FHIT: variants seen among roughly 807,000 people sequenced by gnomAD.
FHIT encodes fragile histidine triad diadenosine triphosphatase, also known as bis(5'-adenosyl)-triphosphatase.
Under a neutral mutation model 17.9 loss-of-function variants are expected in FHIT, and 19 were observed. That is an observed-to-expected ratio of 1.06 (90% CI 0.74 to 1.56). FHIT has a LOEUF of 1.56. Ranked by LOEUF, FHIT falls within the 40% of genes most tolerant of loss-of-function variation. The probability of loss-of-function intolerance (pLI) is 0.00; values close to 1 mark genes in which losing one functional copy is unlikely to be tolerated. For missense variants in FHIT, 248 were observed against 189.2 expected, an observed-to-expected ratio of 1.31 and a Z score of -1.82; for synonymous variants, 81 against 69.7, an observed-to-expected ratio of 1.16 and a Z score of -0.81.
chr3:59,915,299 T>C (rs984456015), intron 8 of FHIT, among the ~76,000 whole-genome samples: 1 of 152,194 alleles, frequency 6.6e-6, no homozygotes, highest in African/African-American at 2.4e-5. Flanking sequence ...AGTGGTTTGA[T>C]AGAGTGGATT....
At chr3:61,154,612 C>T (rs10866044) in intron 2 of FHIT, among the ~76,000 whole-genome samples, 37,273 of 152,072 alleles carry the variant, frequency 0.25, 5,061 homozygotes, top group East Asian at 0.44. Context: ...TACTTCTGAA[C>T]GGCAGCGCGT....
At chr3:60,360,690 G>A (rs928985936) in intron 5 of FHIT, among the ~76,000 whole-genome samples, 1 of 152,116 alleles carries the variant, frequency 6.6e-6, no homozygotes, top group Non-Finnish European at 1.5e-5. Context: ...TAATAAACCT[G>A]TTCTTTAATT....
intron 3 of FHIT, among the ~76,000 whole-genome samples, chr3:61,026,402 A>G (rs2032734251): frequency 6.6e-6 from 1 of 152,220 alleles, no homozygotes; most frequent in African/African-American, 2.4e-5. Flanking sequence ...GGTACTCACA[A>G]GAAGTCAAGA....
intron 3 of FHIT, among the ~76,000 whole-genome samples, chr3:60,831,037 A>T (rs1461140445): frequency 2.0e-5 from 3 of 152,148 alleles, no homozygotes; most frequent in Non-Finnish European, 4.4e-5. Flanking sequence ...AGATTAAATT[A>T]TTTCTGTATT....
intron 3 of FHIT, among the ~76,000 whole-genome samples, chr3:60,897,614 A>G (rs1224510202): frequency 6.6e-6 from 1 of 152,154 alleles, no homozygotes; most frequent in Non-Finnish European, 1.5e-5. Context: ...TACACTATAC[A>G]TGGGAATGTA....
intron 5 of FHIT, among the ~76,000 whole-genome samples, chr3:60,187,485 A>AATGT (rs1702205223): frequency 1.3e-5 from 2 of 152,156 alleles, no homozygotes; most frequent in Non-Finnish European, 1.5e-5. Context: ...TGAAACACGC[A>AATGT]ATGTAAAGCA....
chr3:60,777,088 T>C, intron 4 of FHIT, among the ~76,000 whole-genome samples: 1 of 152,198 alleles, frequency 6.6e-6, no homozygotes, highest in East Asian at 1.9e-4. Context: ...TCTTCAAAAT[T>C]TCTGAGTCAT....
Position 60,616,496 on chromosome 3 carries a change from G to A in FHIT, c.-17-79517C>T, listed in dbSNP as rs549442208. ...AATAAGCAATCATAGCAAGCTTGTG[G>A]GACAAAAGTTAATATACAAAGTCAA... On this transcript the variant is annotated intron_variant, in intron 4 of 9. Transcript: ENST00000492590. Among the ~76,000 whole-genome samples, 10 of 152,146 alleles carry A rather than the reference G, an allele frequency of 6.6e-5. 1 individual carries two copies. The South Asian group carries it at 2.1e-3, about 32-fold the overall frequency.
intron 8 of FHIT, among the ~76,000 whole-genome samples, chr3:59,856,687 G>A (rs1702170663): frequency 6.6e-6 from 1 of 152,136 alleles, no homozygotes; most frequent in African/African-American, 2.4e-5. Context: ...ATGTAGCAAT[G>A]TTATCTAATT....
rs140236058 is a variant in FHIT, at chr3:60,683,314, G to A, written c.-18+138605C>T. Among the ~76,000 whole-genome samples the A allele has an allele frequency of 2.6e-5, 4 of 152,228 alleles. No individual in the cohort carries two copies. The East Asian group carries it at 5.8e-4, about 22-fold the overall frequency. ...GCTGTATGCAACAGAGAAGTCATTC[G>A]TGAAAGCAAGAAGCCACTGATGTTG... On this transcript the variant is annotated intron_variant, in intron 4 of 9. Coordinates refer to ENST00000492590, the MANE Select transcript of FHIT (RefSeq NM_002012.4).
At chr3:60,226,670 G>C (rs948270043) in intron 5 of FHIT, among the ~76,000 whole-genome samples, 4 of 152,186 alleles carry the variant, frequency 2.6e-5, no homozygotes, top group African/African-American at 7.2e-5. Flanking sequence ...GTTGTCTCTC[G>C]AGACTAGATA....
chr3:61,192,280 A>G lies in FHIT; in HGVS notation c.-164+8337T>C, dbSNP rs1424572990. ...GAGATAATTCATTTCTCTTATTCTGATGGGTTTTTATTTGGTGGATTTTCA... is the reference window on the plus strand; with the variant it reads ...GAGATAATTCATTTCTCTTATTCTGGTGGGTTTTTATTTGGTGGATTTTCA... On this transcript the variant is annotated intron_variant, in intron 2 of 9. Transcript: ENST00000492590. 2.0e-5 allele frequency among the ~76,000 whole-genome samples: 3 copies of G among 152,148 alleles called. No homozygotes were observed. The East Asian group carries it at 5.8e-4, about 29-fold the overall frequency.
intron 5 of FHIT, among the ~76,000 whole-genome samples, chr3:60,448,483 C>A (rs1301883588): frequency 6.6e-6 from 1 of 152,186 alleles, no homozygotes; most frequent in Non-Finnish European, 1.5e-5. Context: ...TACATAAAAT[C>A]TGCTCATCTT....
intron 5 of FHIT, among the ~76,000 whole-genome samples, chr3:60,520,820 A>G (rs375961058): frequency 3.3e-5 from 5 of 152,174 alleles, no homozygotes; most frequent in Non-Finnish European, 1.5e-5. Context: ...ATTTAAAACC[A>G]CTATGGCAAA....
chr3:59,973,583 C>T (rs549029678), intron 7 of FHIT, among the ~76,000 whole-genome samples: 261 of 152,234 alleles, frequency 1.7e-3, no homozygotes, highest in African/African-American at 6.1e-3. Context: ...ACAAACATGT[C>T]TTCTTTATAG....
At chr3:60,158,511 C>T (rs1041713638) in intron 5 of FHIT, among the ~76,000 whole-genome samples, 1 of 152,064 alleles carries the variant, frequency 6.6e-6, no homozygotes, top group Non-Finnish European at 1.5e-5. Context: ...GGGGTTTCAC[C>T]ATGTTGGCCA....
intron 4 of FHIT, among the ~76,000 whole-genome samples, chr3:60,571,813 A>G (rs1488589434): frequency 6.6e-6 from 1 of 152,200 alleles, no homozygotes; most frequent in Non-Finnish European, 1.5e-5. Context: ...CAAGGTAACA[A>G]AAGCTATTAG....
intron 1 of FHIT, among the ~76,000 whole-genome samples, chr3:61,235,278 G>A (rs746374889): frequency 6.6e-6 from 1 of 152,150 alleles, no homozygotes; most frequent in Non-Finnish European, 1.5e-5. Context: ...GGGTGTCCTT[G>A]AGCCCTTGTT....
At chr3:60,343,898 G>A (rs1488299488) in intron 5 of FHIT, among the ~76,000 whole-genome samples, 2 of 152,158 alleles carry the variant, frequency 1.3e-5, no homozygotes, top group Non-Finnish European at 2.9e-5. Context: ...GGTGGCTCAT[G>A]TTGTAAAAAT....
Sources: gnomAD v4.1 joint callset for allele counts (sites outside exome capture counted in the v4.1 genomes callset) on GRCh38, gnomAD v4.1.1 for gene constraint, MANE v1.5 for transcripts, NCBI Gene and HGNC (gene_info 2026-07-23, HGNC 2026-07-21) for gene names.